The following ABLIM2 variants were observed in gnomAD, a reference collection of about 807,000 sequenced individuals.
ABLIM2 encodes actin-binding LIM protein 2.
A neutral mutation model predicts 97.7 loss-of-function variants in ABLIM2; 53 were observed. The observed-to-expected ratio is 0.54, with a 90% CI of 0.44 to 0.68. The LOEUF is 0.68. Among genes scored for constraint, ABLIM2 ranks in the 30% least tolerant of loss-of-function variants. ABLIM2 has a pLI of 0.00. For missense variants in ABLIM2, 835 were observed against 867.2 expected (o/e 0.96, Z 0.47); for synonymous variants, 361 against 345.8 (o/e 1.04, Z -0.49).
intron 14 of ABLIM2, among the ~76,000 whole-genome samples, chr4:8,017,101 T>C (rs1769897455): frequency 6.6e-6 from 1 of 152,172 alleles, no homozygotes; most frequent in African/African-American, 2.4e-5. Context: ...TCCACACTTA[T>C]TCCTGACCTG....
At chr4:8,028,327 C>A (rs1206250148) in intron 11 of ABLIM2, among the ~76,000 whole-genome samples, 1 of 152,210 alleles carries the variant, frequency 6.6e-6, no homozygotes, top group Non-Finnish European at 1.5e-5. Context: ...AGCAAAGGGC[C>A]CTTAGGACGA....
At chr4:8,100,749 G>GAAAAAAAAAAAAAAAAAAAAAAAAAA (rs57318831) in intron 2 of ABLIM2, among the ~76,000 whole-genome samples, 1 of 100,216 alleles carries the variant, frequency 1.0e-5, no homozygotes, top group Non-Finnish European at 1.9e-5. Context: ...TCCATCTCAG[G>GAAAAAAAAAAAAAAAAAAAAAAAAAA]AAAAAAAAAA....
rs1484024879 is a variant in ABLIM2 at position 8,002,590 on chromosome 4, T to C, written c.1618+5469A>G. 6.6e-6 allele frequency among the ~76,000 whole-genome samples: 1 copy of C among 152,096 alleles called. No homozygotes were observed. Among genetic ancestry groups the C allele is most frequent in the African/African-American group, 2.4e-5 (1 of 41,416 alleles). ...GCTCCAGACCTTTCCTGATTGGACC[T>C]CGGCCTGCTTCCACCAGCTTCTGGC... is the stretch of plus-strand genomic sequence containing the variant. On this transcript the variant is annotated intron_variant, in intron 16 of 20. Coordinates refer to ENST00000447017, the MANE Select transcript of ABLIM2 (RefSeq NM_001130083.2). This position sits in a 1 kb window ranked among gnomAD's most constrained non-coding sequence, Gnocchi z 6.1.
At position 8,130,827 on chromosome 4, in the gene ABLIM2, G is replaced by A. The variant is rs1040096276; in HGVS notation, c.11-24190C>T. 6.6e-6 allele frequency among the ~76,000 whole-genome samples: 1 copy of A among 152,206 alleles called. No individual in the cohort carries two copies. ...CTGATGTCAAGGCAGCCCCAAGGCCGAGCTCCCCGAAGGCTCTAGGGCAGG... is the reference window on the plus strand; with the variant it reads ...CTGATGTCAAGGCAGCCCCAAGGCCAAGCTCCCCGAAGGCTCTAGGGCAGG... On this transcript the variant is annotated intron_variant, in intron 1 of 20. Coordinates refer to ENST00000447017, the MANE Select transcript of ABLIM2 (RefSeq NM_001130083.2). This position sits in a 1 kb window ranked among gnomAD's most constrained non-coding sequence, Gnocchi z 4.2.
intron 20 of ABLIM2, among the ~76,000 whole-genome samples, chr4:7,975,622 G>T (rs1409466077): frequency 6.6e-6 from 1 of 152,164 alleles, no homozygotes; most frequent in Non-Finnish European, 1.5e-5. Flanking sequence ...TCATCTGATT[G>T]GGCCTCCAAA....
At chr4:7,982,405 C>T (rs1390980178) in intron 20 of ABLIM2, among the ~76,000 whole-genome samples, 2 of 152,198 alleles carry the variant, frequency 1.3e-5, no homozygotes, top group Non-Finnish European at 2.9e-5. Flanking sequence ...TGACAGGGCT[C>T]AGGAGATGAA....
In ABLIM2 at chr4:8,015,961, T is replaced by C. The variant is rs1258329127; in HGVS notation, c.1423+3657A>G. 6.6e-6 allele frequency among the ~76,000 whole-genome samples: 1 copy of C among 152,108 alleles called. No homozygotes were observed. Among genetic ancestry groups the C allele is most frequent in the African/African-American group, 2.4e-5 (1 of 41,410 alleles). ...GATAAAATCACCACACTTCCTCATT[T>C]TATAAGTTCAAATCAGATATGAGAC... On this transcript the variant is annotated intron_variant, in intron 14 of 20. Transcript: ENST00000447017. The surrounding 1 kb of genome is among the most constrained non-coding windows in gnomAD (Gnocchi z 4.6).
intron 16 of ABLIM2, chr4:7,993,940 C>T (rs780283002): frequency 3.9e-6 from 2 of 514,402 alleles, no homozygotes; most frequent in Admixed American, 2.0e-5. Context: ...CCGAAGTAAC[C>T]TCTTCAATAC....
intron 1 of ABLIM2, among the ~76,000 whole-genome samples, chr4:8,146,042 T>C (rs932514150): frequency 6.6e-6 from 1 of 152,224 alleles, no homozygotes; most frequent in African/African-American, 2.4e-5. Context: ...TTGCCCATGA[T>C]CCTAGCACAT....
chr4:7,987,648 A>C (rs1745473363), intron 17 of ABLIM2, among the ~76,000 whole-genome samples: 1 of 152,136 alleles, frequency 6.6e-6, no homozygotes, highest in Non-Finnish European at 1.5e-5. Context: ...ACGGTTGGAA[A>C]CTCACTCTCC....
In ABLIM2 at chr4:8,005,487, G is replaced by A. The variant is rs558669085; in HGVS notation, c.1618+2572C>T. The stretch of plus-strand genomic sequence containing the variant: ...ATGCTTTGTTCAGTAAAAGCTGTGT[G>A]CAAATGGAACTGGTGCCCACGGACT... On this transcript the variant is annotated intron_variant, in intron 16 of 20. Coordinates refer to ENST00000447017, the MANE Select transcript of ABLIM2 (RefSeq NM_001130083.2). This position sits in a 1 kb window ranked among gnomAD's most constrained non-coding sequence, Gnocchi z 4.9. The A allele has an allele frequency of 3.0e-5, 16 of 526,082 alleles. No homozygotes were observed. The highest frequency in any genetic ancestry group is 2.7e-4 in the African/African-American group (14 of 51,986). 32.6% of individuals were successfully genotyped at this position (526,082 alleles called of 1,614,324 possible).
chr4:8,010,441 G>A (rs546244882), intron 14 of ABLIM2: 75 of 985,882 alleles, frequency 7.6e-5, no homozygotes, highest in East Asian at 4.5e-4. Flanking sequence ...TGCAGCGGGC[G>A]GCGGGCTCGG....
intron 2 of ABLIM2, among the ~76,000 whole-genome samples, chr4:8,104,291 G>A (rs565834138): frequency 2.8e-4 from 42 of 152,334 alleles, no homozygotes; most frequent in African/African-American, 9.6e-4. Flanking sequence ...GCCGGAGAGC[G>A]TGCTGTTCAC....
At chr4:7,973,075 C>CTGTGTGTGTGTGTGTATGTGTGTGTG (rs1729453743) in intron 20 of ABLIM2, among the ~76,000 whole-genome samples, 2 of 123,978 alleles carry the variant, frequency 1.6e-5, no homozygotes. Context: ...GCTCCCCTTG[C>CTGTGTGTGTGTGTGTATGTGTGTGTG]TGTGTGTGTG....
At chr4:8,034,726 G>A (rs1783275840) in intron 10 of ABLIM2, among the ~76,000 whole-genome samples, 1 of 93,188 alleles carries the variant, frequency 1.1e-5, no homozygotes, top group Non-Finnish European at 2.2e-5. Context: ...TAGGTAGGTG[G>A]GTGCAGGTGG....
chr4:7,987,388 A>T (rs774500223), intron 17 of ABLIM2, among the ~76,000 whole-genome samples: 1 of 152,062 alleles, frequency 6.6e-6, no homozygotes, highest in Non-Finnish European at 1.5e-5. Flanking sequence ...CTCCCAAAGC[A>T]CTGGGATTAC....
In ABLIM2 at chr4:8,071,820, C is replaced by G. The variant is rs937738406; in HGVS notation, c.675+5808G>C. 2 of 985,412 alleles carry G rather than the reference C, an allele frequency of 2.0e-6. No homozygotes were observed. The highest frequency in any genetic ancestry group is 2.4e-6 in the Non-Finnish European group (2 of 829,962). 61.0% of individuals were successfully genotyped at this position (985,412 alleles called of 1,614,324 possible). A position where few individuals can be genotyped will look rare whatever the true frequency, so the allele number is the denominator to read the frequency against. On this transcript the variant is annotated intron_variant, in intron 6 of 20. Coordinates refer to ENST00000447017, the MANE Select transcript of ABLIM2 (RefSeq NM_001130083.2). This position sits in a 1 kb window ranked among gnomAD's most constrained non-coding sequence, Gnocchi z 6.2. ...CAGTCTGACGGCCCTGCTTGAGTGC[C>G]GTGCTCCCTGGAACGTGTGCCTGCG...
At chr4:8,131,696 CA>C in intron 1 of ABLIM2, among the ~76,000 whole-genome samples, 1 of 87,282 alleles carries the variant, frequency 1.1e-5, no homozygotes, top group Non-Finnish European at 2.3e-5. Context: ...CCCGCATCCC[CA>C]GCACAGCAGC....
chr4:8,125,733 G>A lies in ABLIM2; in HGVS notation c.11-19096C>T, dbSNP rs1226299163. On this transcript the variant is annotated intron_variant, in intron 1 of 20. Transcript: ENST00000447017. The surrounding 1 kb of genome is among the most constrained non-coding windows in gnomAD (Gnocchi z 6.2). ...AGACTCAGCTGAGCTGGAGAGGCCC[G>A]CCCAGCCTCTGCCATGGAAACTCCA... 6.6e-6 allele frequency among the ~76,000 whole-genome samples: 1 copy of A among 152,170 alleles called. No individual in the cohort carries two copies. The highest frequency in any genetic ancestry group is 2.4e-5 in the African/African-American group (1 of 41,440).
Sources: allele counts gnomAD v4.1 joint callset (sites outside exome capture counted in the v4.1 genomes callset), GRCh38; gene constraint gnomAD v4.1.1; non-coding constraint Gnocchi (gnomAD v3.1); transcripts MANE v1.5; gene names NCBI Gene and HGNC (gene_info 2026-07-23, HGNC 2026-07-21).